MS4A15: variants seen among roughly 807,000 people sequenced by gnomAD.
The protein encoded by MS4A15 is membrane spanning 4-domains A15.
MS4A15 carries 22 observed loss-of-function variants against 20.6 expected under a neutral mutation model. The observed-to-expected ratio is 1.07, with a 90% CI of 0.76 to 1.52. The LOEUF (loss-of-function observed/expected upper bound fraction) is 1.52, where lower values mean the gene tolerates loss of function less well. MS4A15 is among the 40% of genes most tolerant of loss of function. MS4A15 has a pLI of 0.00. For missense variants in MS4A15, 312 were observed against 323.0 expected, an observed-to-expected ratio of 0.97 and a Z score of 0.26; for synonymous variants, 129 against 129.3, an observed-to-expected ratio of 1.00 and a Z score of 0.02.
In MS4A15 at chr11:60,775,780, C is replaced by A. The variant is rs1395185610; in HGVS notation, c.*65C>A. 7.5e-7 allele frequency: 1 copy of A among 1,325,940 alleles called. No individual in the cohort carries two copies. The highest frequency in any genetic ancestry group is 1.1e-6 in the Non-Finnish European group (1 of 946,514). The allele number at this position is 1,325,940 out of a possible 1,614,324, so 82.1% of individuals were successfully genotyped here. A position where few individuals can be genotyped will look rare whatever the true frequency, so the allele number is the denominator to read the frequency against. On this transcript the variant is annotated 3_prime_UTR_variant, in exon 7 of 7. Transcript: ENST00000405633. Reference sequence around the variant, plus strand: ...CCCTCTGGGCCCAGCCTCTCCCCACCCCCACCTTGTTCATCAGGGGCCAGC... The same window carrying A: ...CCCTCTGGGCCCAGCCTCTCCCCACACCCACCTTGTTCATCAGGGGCCAGC...
chr11:60,773,968 C>A lies in MS4A15; in HGVS notation c.612+18C>A. On this transcript the variant is annotated intron_variant, in intron 6 of 6. Transcript: ENST00000405633. The stretch of plus-strand genomic sequence containing the variant: ...CCAGTGCAGTGAGTACCCCCACCCC[C>A]ACCCCCACGTCCACTAAACCTGAGC... 1 of 1,592,854 alleles carries A rather than the reference C, an allele frequency of 6.3e-7. No individual in the cohort carries two copies. The highest frequency in any genetic ancestry group is 8.6e-7 in the Non-Finnish European group (1 of 1,161,272).
chr11:60,775,658 G>T lies in MS4A15; in HGVS notation c.666G>T (p.Pro222=), dbSNP rs779166818. 6.2e-7 allele frequency: 1 copy of T among 1,613,782 alleles called. No homozygotes were observed. Among genetic ancestry groups the T allele is most frequent in the East Asian group, 2.2e-5 (1 of 44,896 alleles). ...AFSADFNIPS[P]AASAPPAYDN... ...GCGCAGACTTCAACATCCCCAGCCC[G>T]GCAGCCTCTGCGCCCCCTGCCTATG... is the stretch of plus-strand genomic sequence containing the variant. Residue 222 remains proline (P), a synonymous_variant, in exon 7 of 7, where the codon CCG becomes CCT. Transcript: ENST00000405633.
chr11:60,770,622 G>C (rs1265643494), intron 3 of MS4A15, among the ~76,000 whole-genome samples: 2 of 150,228 alleles, frequency 1.3e-5, no homozygotes, highest in Admixed American at 6.7e-5. Flanking sequence ...AAAAAAAAAA[G>C]CTCCTTGAGG....
Position 60,773,957 on chromosome 11 carries a change from A to ACCCCC in MS4A15, c.612+8_612+12dup. 1 of 1,569,660 alleles carries ACCCCC rather than the reference A, an allele frequency of 6.4e-7. No homozygotes were observed. Among genetic ancestry groups the ACCCCC allele is most frequent in the Non-Finnish European group, 8.7e-7 (1 of 1,143,270 alleles). On this transcript the variant is annotated splice_region_variant and intron_variant, in intron 6 of 6. Transcript: ENST00000405633. ...CCATGCCCAGGCCAGTGCAGTGAGT[A>ACCCCC]CCCCCACCCCCACCCCCACGTCCAC... is the stretch of plus-strand genomic sequence containing the variant.
rs200033120 is a variant in MS4A15 at position 60,773,898 on chromosome 11, C to T, written c.560C>T (p.Ala187Val). The T allele has an allele frequency of 6.8e-6, 11 of 1,614,144 alleles. No homozygotes were observed. In the South Asian group the frequency reaches 9.9e-5, roughly 15 times the overall value. Residue 187 changes from alanine to valine, a missense_variant, in exon 6 of 7, where the codon GCG becomes GTG. By Grantham distance (64) the Ala-to-Val change is moderately conservative (BLOSUM62 0). Transcript: ENST00000405633. ...TIFTVLEFFT[A>V]VIAMHFGCQA... The stretch of plus-strand genomic sequence containing the variant: ...TTCACTGTCCTGGAGTTCTTCACAG[C>T]GGTCATTGCCATGCACTTCGGGTGC...
chr11:60,764,090 A>T (rs1487248097), intron 2 of MS4A15, 132 bp downstream of exon 2: 3 of 813,252 alleles, frequency 3.7e-6, no homozygotes, highest in Non-Finnish European at 5.8e-6. Context: ...TCAGCCATGC[A>T]CCAGGTAGAC....
At chr11:60,762,946 G>A (rs1395827168) in intron 1 of MS4A15, among the ~76,000 whole-genome samples, 1 of 152,108 alleles carries the variant, frequency 6.6e-6, no homozygotes, top group Admixed American at 6.6e-5. Flanking sequence ...GCTTTTATAA[G>A]GTCATAGGTG....
rs747906616 is a variant in MS4A15, at chr11:60,763,728, A to G, written c.-6A>G. ...AAGCCTTTGTTTCCCAGGCTCTCTGAGCACGATGTCTGCAGCTCCCGCCAG... is the reference window on the plus strand; with the variant it reads ...AAGCCTTTGTTTCCCAGGCTCTCTGGGCACGATGTCTGCAGCTCCCGCCAG... On this transcript the variant is annotated 5_prime_UTR_variant, in exon 2 of 7. Transcript: ENST00000405633. The G allele has an allele frequency of 3.1e-6, 5 of 1,612,072 alleles. No individual in the cohort carries two copies. In the East Asian group the frequency reaches 1.1e-4, roughly 36 times the overall value.
chr11:60,775,343 G>C (rs1472434212), intron 6 of MS4A15, among the ~76,000 whole-genome samples: 1 of 127,092 alleles, frequency 7.9e-6, no homozygotes, highest in Non-Finnish European at 1.7e-5. Flanking sequence ...AGAAAAAAAA[G>C]AACAGCAGAA....
intron 6 of MS4A15, among the ~76,000 whole-genome samples, chr11:60,774,598 C>T (rs1854136214): frequency 6.6e-6 from 1 of 152,144 alleles, no homozygotes; most frequent in Non-Finnish European, 1.5e-5. Context: ...AGGAGTGAGA[C>T]TTTTTGGAGT....
At chr11:60,768,952 A>G (rs1565072401) in intron 3 of MS4A15, among the ~76,000 whole-genome samples, 1 of 152,128 alleles carries the variant, frequency 6.6e-6, no homozygotes, top group Non-Finnish European at 1.5e-5. Flanking sequence ...ACACATCACA[A>G]CCAGATCAGG....
At position 60,775,805 on chromosome 11, in the gene MS4A15, C is replaced by CTTTTTTAATGATACGGCGA; in HGVS notation, c.*90_*91insTTTTTTAATGATACGGCGA. On this transcript the variant is annotated 3_prime_UTR_variant, in exon 7 of 7. Coordinates refer to ENST00000405633, the MANE Select transcript of MS4A15 (RefSeq NM_001098835.2). ...CCCCACCTTGTTCATCAGGGGCCAG[C>CTTTTTTAATGATACGGCGA]CCCATCCCAGCTGCCCTCCCTCACC... The CTTTTTTAATGATACGGCGA allele has an allele frequency of 9.6e-7, 1 of 1,045,994 alleles. No homozygotes were observed. 64.8% of individuals were successfully genotyped at this position (1,045,994 alleles called of 1,614,324 possible).
chr11:60,772,994 GA>G (rs1854080289), intron 4 of MS4A15, among the ~76,000 whole-genome samples: 1 of 152,116 alleles, frequency 6.6e-6, no homozygotes, highest in African/African-American at 2.4e-5. Context: ...CCACAGCAAA[GA>G]GCCTCCCCCA....
At chr11:60,764,097 A>G (rs1853821474) in intron 2 of MS4A15, 139 bp downstream of exon 2, 2 of 758,588 alleles carry the variant, frequency 2.6e-6, no homozygotes, top group Non-Finnish European at 4.2e-6. Flanking sequence ...TGCACCAGGT[A>G]GACAAGCACC....
At position 60,775,660 on chromosome 11, in the gene MS4A15, C is replaced by G; in HGVS notation, c.668C>G (p.Ala223Gly). 6.2e-7 allele frequency: 1 copy of G among 1,613,970 alleles called. No individual in the cohort carries two copies. The highest frequency in any genetic ancestry group is 8.5e-7 in the Non-Finnish European group (1 of 1,179,912). Residue 223 changes from alanine (A) to glycine (G), a missense_variant, in exon 7 of 7, where the codon GCA becomes GGA. Coordinates refer to ENST00000405633, the MANE Select transcript of MS4A15 (RefSeq NM_001098835.2). ...FSADFNIPSP[A>G]ASAPPAYDNV... ...GCAGACTTCAACATCCCCAGCCCGG[C>G]AGCCTCTGCGCCCCCTGCCTATGAC... is the stretch of plus-strand genomic sequence containing the variant.
Position 60,763,949 on chromosome 11 carries a change from A to G in MS4A15, c.216A>G (p.Lys72=). The G allele has an allele frequency of 1.2e-6, 2 of 1,612,150 alleles. No individual in the cohort carries two copies. The highest frequency in any genetic ancestry group is 2.7e-5 in the African/African-American group (2 of 74,998). The change falls in exon 2 of 7, where the codon AAA becomes AAG. Residue 72 remains lysine, a synonymous_variant. Coordinates refer to ENST00000405633, the MANE Select transcript of MS4A15 (RefSeq NM_001098835.2). ...AGACATTCCTGACAGGAGAGCCCAA[A>G]GTTTTGGGGGTAAGAACAGCCTCTC... The part of the protein sequence containing the change: ...PVETFLTGEP[K]VLGTVQILIG...
chr11:60,763,353 T>C (rs893403766), intron 1 of MS4A15, among the ~76,000 whole-genome samples: 6 of 152,130 alleles, frequency 3.9e-5, no homozygotes, highest in Admixed American at 1.3e-4. Context: ...AAGCTCTACC[T>C]TGCACTAGCT....
At chr11:60,774,633 G>T (rs921096740) in intron 6 of MS4A15, among the ~76,000 whole-genome samples, 1 of 152,164 alleles carries the variant, frequency 6.6e-6, no homozygotes, top group Non-Finnish European at 1.5e-5. Flanking sequence ...GGAGACAGGG[G>T]CATCAGGGAG....
At chr11:60,758,831 A>G (rs757835018) in intron 1 of MS4A15, among the ~76,000 whole-genome samples, 1 of 152,202 alleles carries the variant, frequency 6.6e-6, no homozygotes, top group Non-Finnish European at 1.5e-5. Context: ...CAGATGGTTT[A>G]GGAAAAACTG....
Sources: allele counts gnomAD v4.1 joint callset (sites outside exome capture counted in the v4.1 genomes callset), GRCh38; gene constraint gnomAD v4.1.1; transcripts MANE v1.5; gene names NCBI Gene and HGNC (gene_info 2026-07-23, HGNC 2026-07-21).